CNTNAP2: variants seen among roughly 807,000 people sequenced by gnomAD.
CNTNAP2 encodes contactin-associated protein-like 2.
In CNTNAP2, 98 loss-of-function variants were observed where a neutral mutation model predicts 155.2. That is an observed-to-expected ratio of 0.63 (90% CI 0.54 to 0.75). The LOEUF is 0.75. Among genes scored for constraint, CNTNAP2 ranks in the 30% least tolerant of loss-of-function variants. CNTNAP2 has a pLI of 0.00. For missense variants in CNTNAP2, 1,727 were observed against 1,688.1 expected, an observed-to-expected ratio of 1.02 and a Z score of -0.40; for synonymous variants, 651 against 631.2, an observed-to-expected ratio of 1.03 and a Z score of -0.47.
chr7:146,768,377 C>A (rs1396364929), intron 1 of CNTNAP2, among the ~76,000 whole-genome samples: 1 of 151,790 alleles, frequency 6.6e-6, no homozygotes, highest in African/African-American at 2.4e-5. Context: ...CAGGACTGCA[C>A]CTTGCCTTCT....
Position 146,607,109 on chromosome 7 carries a change from A to G in CNTNAP2, c.98-167162A>G, listed in dbSNP as rs185372535. Among the ~76,000 whole-genome samples, 65 of 152,286 alleles carry G rather than the reference A, an allele frequency of 4.3e-4. 1 individual carries two copies. The East Asian group carries it at 6.6e-3, about 15-fold the overall frequency. On this transcript the variant is annotated intron_variant, in intron 1 of 23. Coordinates refer to ENST00000361727, the MANE Select transcript of CNTNAP2 (RefSeq NM_014141.6). Reference sequence around the variant, plus strand: ...CTCCTTCTAATTCAAAATATTTCTAACATTATTATTAGATTAGTACTGATG... The same window carrying G: ...CTCCTTCTAATTCAAAATATTTCTAGCATTATTATTAGATTAGTACTGATG...
chr7:148,283,704 A>G (rs917157039), intron 21 of CNTNAP2, among the ~76,000 whole-genome samples: 1 of 152,140 alleles, frequency 6.6e-6, no homozygotes, highest in East Asian at 1.9e-4. Context: ...AATGGCCCCT[A>G]AGTGGAGTGC....
At chr7:147,905,347 C>T (rs973670574) in intron 14 of CNTNAP2, among the ~76,000 whole-genome samples, 9 of 152,220 alleles carry the variant, frequency 5.9e-5, no homozygotes, top group Non-Finnish European at 1.2e-4. Flanking sequence ...CCACCATCAC[C>T]TTGTCCCACC....
At chr7:146,362,600 G>A (rs1168313026) in intron 1 of CNTNAP2, among the ~76,000 whole-genome samples, 1 of 152,106 alleles carries the variant, frequency 6.6e-6, no homozygotes, top group East Asian at 1.9e-4. Context: ...GGTGGTATGA[G>A]TTCAGATGGA....
At chr7:147,272,975 G>T (rs113728243) in intron 8 of CNTNAP2, among the ~76,000 whole-genome samples, 1 of 152,092 alleles carries the variant, frequency 6.6e-6, no homozygotes, top group Non-Finnish European at 1.5e-5. Context: ...TTGGAGAGAA[G>T]TCTTAAGGAC....
chr7:147,631,846 G>T (rs1011606503), intron 12 of CNTNAP2, among the ~76,000 whole-genome samples: 8 of 152,132 alleles, frequency 5.3e-5, no homozygotes, highest in Non-Finnish European at 7.4e-5. Context: ...ATTGATCAAA[G>T]ACTTAAATGT....
At chr7:146,965,409 T>TA (rs11432318) in intron 3 of CNTNAP2, among the ~76,000 whole-genome samples, 146,439 of 152,142 alleles carry the variant, frequency 0.96, 70,502 homozygotes, top group East Asian at 1. Context: ...AGAACTCACA[T>TA]TGGGTTTTTC....
At chr7:146,921,345 T>A (rs1178063136) in intron 3 of CNTNAP2, among the ~76,000 whole-genome samples, 1 of 152,166 alleles carries the variant, frequency 6.6e-6, no homozygotes, top group East Asian at 1.9e-4. Context: ...TGACTTGAGA[T>A]GCGAATGATG....
At chr7:147,830,865 T>C in intron 13 of CNTNAP2, among the ~76,000 whole-genome samples, 1 of 152,228 alleles carries the variant, frequency 6.6e-6, no homozygotes, top group East Asian at 1.9e-4. Context: ...GTAAGCATGG[T>C]GAAAACCCAT....
At chr7:146,742,005 C>T (rs1337461942) in intron 1 of CNTNAP2, among the ~76,000 whole-genome samples, 3 of 151,858 alleles carry the variant, frequency 2.0e-5, no homozygotes, top group Admixed American at 6.6e-5. Flanking sequence ...AATAAACTCT[C>T]CTTACTGAAC....
intron 14 of CNTNAP2, among the ~76,000 whole-genome samples, chr7:147,977,436 G>T (rs916958889): frequency 6.6e-6 from 1 of 152,122 alleles, no homozygotes; most frequent in African/African-American, 2.4e-5. Flanking sequence ...TGTACAATAG[G>T]GAAGAAAACT....
intron 10 of CNTNAP2, among the ~76,000 whole-genome samples, chr7:147,446,737 T>C (rs1584953011): frequency 6.6e-6 from 1 of 152,256 alleles, no homozygotes; most frequent in African/African-American, 2.4e-5. Context: ...TAGGGACTTA[T>C]GGTGAGTACA....
At chr7:147,536,433 A>T (rs549323817) in intron 11 of CNTNAP2, among the ~76,000 whole-genome samples, 1 of 152,234 alleles carries the variant, frequency 6.6e-6, no homozygotes, top group South Asian at 2.1e-4. Flanking sequence ...AACAAACAAG[A>T]ACTTCCTGGT....
chr7:146,151,664 ATATATATATATATATATG>A (rs1562968987), intron 1 of CNTNAP2, among the ~76,000 whole-genome samples: 20 of 48,218 alleles, frequency 4.1e-4, no homozygotes, highest in South Asian at 1.5e-3. Flanking sequence ...ATATATATAT[ATATATATATATATATATG>A]TATATATATA....
At position 147,299,669 on chromosome 7, in the gene CNTNAP2, T is replaced by A. The variant is rs1333786269; in HGVS notation, c.1349-472T>A. ...TTTAAAAACAAAGACAGACTTTAGA[T>A]AAAAGCCATAAATTCATTTTCTTGT... On this transcript the variant is annotated intron_variant, in intron 8 of 23. Coordinates refer to ENST00000361727, the MANE Select transcript of CNTNAP2 (RefSeq NM_014141.6). Among the ~76,000 whole-genome samples the A allele has an allele frequency of 3.3e-5, 5 of 152,178 alleles. No homozygotes were observed. In the East Asian group the frequency reaches 7.7e-4, roughly 23 times the overall value.
intron 1 of CNTNAP2, among the ~76,000 whole-genome samples, chr7:146,300,836 G>A (rs995534292): frequency 7.9e-5 from 12 of 151,974 alleles, no homozygotes; most frequent in South Asian, 2.1e-4. Context: ...TAATTATATC[G>A]TACATTGATG....
In CNTNAP2 at chr7:146,696,676, A is replaced by G. The variant is rs142646753; in HGVS notation, c.98-77595A>G. On this transcript the variant is annotated intron_variant, in intron 1 of 23. Transcript: ENST00000361727. ...ATTCAGTGCTACAAATTTCTCTCTC[A>G]TCACTGGTTTTGTCGCATCCCACAC... 5.9e-5 allele frequency among the ~76,000 whole-genome samples: 9 copies of G among 152,232 alleles called. No homozygotes were observed. In the East Asian group the frequency reaches 1.7e-3, roughly 29 times the overall value.
At chr7:146,691,430 T>A (rs1800695573) in intron 1 of CNTNAP2, among the ~76,000 whole-genome samples, 2 of 152,132 alleles carry the variant, frequency 1.3e-5, no homozygotes, top group African/African-American at 4.8e-5. Flanking sequence ...TAGTCTACAG[T>A]TGAGCAAAAT....
At chr7:146,271,432 T>A (rs1171195940) in intron 1 of CNTNAP2, among the ~76,000 whole-genome samples, 1 of 151,970 alleles carries the variant, frequency 6.6e-6, no homozygotes, top group Non-Finnish European at 1.5e-5. Flanking sequence ...ATATTTTAAT[T>A]CTTATCTAAT....
Sources: allele counts gnomAD v4.1 joint callset (sites outside exome capture counted in the v4.1 genomes callset), GRCh38; gene constraint gnomAD v4.1.1; transcripts MANE v1.5; gene names NCBI Gene and HGNC (gene_info 2026-07-23, HGNC 2026-07-21).